The following SLAIN1 variants were observed in gnomAD, a reference collection of about 807,000 sequenced individuals.
SLAIN1 encodes the protein SLAIN motif-containing protein 1.
Under a neutral mutation model 55.4 loss-of-function variants are expected in SLAIN1, and 17 were observed. That is an observed-to-expected ratio of 0.31 (90% CI 0.21 to 0.46). The LOEUF is 0.46. Ranked by LOEUF, SLAIN1 falls within the 20% of genes least tolerant of loss-of-function variation. The pLI, the probability that SLAIN1 is intolerant of heterozygous loss-of-function variation, is 1.00. For missense variants in SLAIN1, 682 were observed against 785.1 expected, an observed-to-expected ratio of 0.87 and a Z score of 1.57; for synonymous variants, 348 against 337.4, an observed-to-expected ratio of 1.03 and a Z score of -0.35.
intron 2 of SLAIN1, among the ~76,000 whole-genome samples, chr13:77,731,973 T>C (rs1872888886): frequency 6.6e-6 from 1 of 152,052 alleles, no homozygotes. Flanking sequence ...TTAATGTATA[T>C]TTTAGTGTTG....
At chr13:77,730,440 C>T (rs955864905) in intron 2 of SLAIN1, among the ~76,000 whole-genome samples, 2 of 152,216 alleles carry the variant, frequency 1.3e-5, no homozygotes, top group Non-Finnish European at 2.9e-5. Context: ...GGAATGTTTT[C>T]TTCTTTTTCA....
Position 77,698,410 on chromosome 13 carries a change from C to CG in SLAIN1, c.503dup (p.Ala169ArgfsTer64). Reference sequence around the variant, plus strand: ...GGCGCGGGCGGTGGCGGGCCGGAGCCGGGGGGCGCGGGGACGCCGCCAGGG... The same window carrying CG: ...GGCGCGGGCGGTGGCGGGCCGGAGCCGGGGGGGCGCGGGGACGCCGCCAGGG... On this transcript the variant is annotated frameshift_variant, in exon 1 of 7. Coordinates refer to ENST00000418532, the MANE Select transcript of SLAIN1 (RefSeq NM_001242868.2). LOFTEE classifies it high-confidence loss of function. This position sits in a 1 kb window ranked among gnomAD's most constrained non-coding sequence, Gnocchi z 4.1. 4 of 1,393,254 alleles carry CG rather than the reference C, an allele frequency of 2.9e-6. No individual in the cohort carries two copies. The highest frequency in any genetic ancestry group is 1.6e-5 in the South Asian group (1 of 62,782). The allele number at this position is 1,393,254 out of a possible 1,614,324, so 86.3% of individuals were successfully genotyped here.
At chr13:77,701,606 A>T (rs962658474) in intron 1 of SLAIN1, among the ~76,000 whole-genome samples, 2 of 151,970 alleles carry the variant, frequency 1.3e-5, no homozygotes, top group African/African-American at 4.8e-5. Context: ...TATTTCTTTG[A>T]ATATTTATCT....
At position 77,697,987 on chromosome 13, in the gene SLAIN1, C is replaced by G. The variant is rs1342957459; in HGVS notation, c.74C>G (p.Ala25Gly). The change falls in exon 1 of 7, where the codon GCG becomes GGG. Residue 25 changes from alanine to glycine, a missense_variant. Transcript: ENST00000418532. The stretch of plus-strand genomic sequence containing the variant: ...GCGGGCTCCGGGCCGGTGGTGAACG[C>G]GGAGCTGGAGGTGAAGAAGCTGCAG... ...SGAGSGPVVN[A>G]ELEVKKLQEL... is the part of the protein sequence containing the mutation. 8 of 1,444,938 alleles carry G rather than the reference C, an allele frequency of 5.5e-6. No homozygotes were observed. The highest frequency in any genetic ancestry group is 7.3e-6 in the Non-Finnish European group (8 of 1,089,710). The allele number at this position is 1,444,938 out of a possible 1,614,324, so 89.5% of individuals were successfully genotyped here.
intron 2 of SLAIN1, among the ~76,000 whole-genome samples, chr13:77,728,926 G>T (rs1227284123): frequency 6.6e-6 from 1 of 152,158 alleles, no homozygotes; most frequent in Non-Finnish European, 1.5e-5. Flanking sequence ...GCTTTGTAAA[G>T]AATTTCTTTT....
At chr13:77,719,108 A>G (rs1254904659) in intron 1 of SLAIN1, among the ~76,000 whole-genome samples, 3 of 152,058 alleles carry the variant, frequency 2.0e-5, no homozygotes, top group African/African-American at 4.8e-5. Flanking sequence ...TACACATAAG[A>G]TTTGCCTTGT....
intron 2 of SLAIN1, among the ~76,000 whole-genome samples, chr13:77,739,626 T>A (rs1178288059): frequency 6.6e-6 from 1 of 152,110 alleles, no homozygotes; most frequent in African/African-American, 2.4e-5. Flanking sequence ...AACAACAATT[T>A]GAATACTTTG....
At chr13:77,746,182 A>G (rs1453253469) in intron 3 of SLAIN1, among the ~76,000 whole-genome samples, 2 of 152,136 alleles carry the variant, frequency 1.3e-5, no homozygotes, top group Non-Finnish European at 2.9e-5. Flanking sequence ...TGAGATGAAT[A>G]TTTCTTCCTA....
At chr13:77,753,971 C>A (rs1312346038) in intron 5 of SLAIN1, among the ~76,000 whole-genome samples, 1 of 152,204 alleles carries the variant, frequency 6.6e-6, no homozygotes, top group Non-Finnish European at 1.5e-5. Context: ...TAGCATTAGG[C>A]CTAGTGCTGT....
chr13:77,726,795 A>G (rs1286784177), intron 2 of SLAIN1, among the ~76,000 whole-genome samples: 2 of 152,186 alleles, frequency 1.3e-5, no homozygotes. Context: ...AGATTTTACA[A>G]TTTATAAAGT....
chr13:77,744,498 T>C (rs776506750), intron 3 of SLAIN1, 66 bp downstream of exon 3: 1 of 1,598,094 alleles, frequency 6.3e-7, no homozygotes, highest in Non-Finnish European at 8.5e-7. Flanking sequence ...GAGGGGGAGG[T>C]TCAGGCATTT....
chr13:77,699,149 A>C, intron 1 of SLAIN1: 1 of 1,278,042 alleles, frequency 7.8e-7, no homozygotes, highest in Non-Finnish European at 1.1e-6. Context: ...CTTGCTTTTT[A>C]AAATGGGGTG....
intron 2 of SLAIN1, among the ~76,000 whole-genome samples, chr13:77,733,467 T>C (rs1258848545): frequency 6.6e-6 from 1 of 152,132 alleles, no homozygotes; most frequent in African/African-American, 2.4e-5. Context: ...CATACATATA[T>C]ATGATGGTTA....
intron 5 of SLAIN1, 143 bp downstream of exon 5, chr13:77,753,501 T>C (rs1208725663): frequency 1.1e-5 from 4 of 372,186 alleles, no homozygotes; most frequent in Non-Finnish European, 1.7e-5. Context: ...TGTAACTTAT[T>C]TTTTTATTTC....
intron 5 of SLAIN1, among the ~76,000 whole-genome samples, chr13:77,757,360 C>G (rs866287040): frequency 3.3e-5 from 5 of 152,062 alleles, no homozygotes; most frequent in Non-Finnish European, 5.9e-5. Context: ...TGGGAACACA[C>G]CTAAGGGAGG....
At chr13:77,703,408 T>A (rs2091050361) in intron 1 of SLAIN1, among the ~76,000 whole-genome samples, 1 of 152,154 alleles carries the variant, frequency 6.6e-6, no homozygotes, top group African/African-American at 2.4e-5. Flanking sequence ...GTTTTTTGCA[T>A]AATTGATTTT....
At chr13:77,709,559 G>GTAGAA (rs2091125611) in intron 1 of SLAIN1, among the ~76,000 whole-genome samples, 1 of 152,180 alleles carries the variant, frequency 6.6e-6, no homozygotes, top group Non-Finnish European at 1.5e-5. Context: ...GGATCTCTCT[G>GTAGAA]TAGAAACCCT....
chr13:77,763,031 T>TGG, intron 6 of SLAIN1, 114 bp from the exon 7 acceptor site: 1 of 805,014 alleles, frequency 1.2e-6, no homozygotes, highest in Non-Finnish European at 2.1e-6. Context: ...ATGGTGCCAG[T>TGG]GGCTTCTCAT....
At chr13:77,705,659 T>A (rs557856816) in intron 1 of SLAIN1, among the ~76,000 whole-genome samples, 57 of 151,432 alleles carry the variant, frequency 3.8e-4, no homozygotes, top group Admixed American at 8.6e-4. Flanking sequence ...TTTTTTTTTT[T>A]AAAAACCTTG....
Sources: allele counts gnomAD v4.1 joint callset (sites outside exome capture counted in the v4.1 genomes callset), GRCh38; gene constraint gnomAD v4.1.1; non-coding constraint Gnocchi (gnomAD v3.1); transcripts MANE v1.5; gene names NCBI Gene and HGNC (gene_info 2026-07-23, HGNC 2026-07-21).